Variants in RTN4 observed in about 807,000 individuals in gnomAD.
RTN4 encodes the protein reticulon 4.
A neutral mutation model predicts 90.4 loss-of-function variants in RTN4; 32 were observed. The ratio of observed to expected loss-of-function variants is 0.35; its 90% CI spans 0.27 to 0.48. The LOEUF (loss-of-function observed/expected upper bound fraction) is 0.48. Among genes scored for constraint, RTN4 ranks in the 20% least tolerant of loss-of-function variants. RTN4 has a pLI of 0.99. For missense variants in RTN4, 1,706 were observed against 1,430.2 expected (o/e 1.19, Z -3.11); for synonymous variants, 629 against 552.5 (o/e 1.14, Z -1.94).
intron 1 of RTN4, among the ~76,000 whole-genome samples, chr2:55,043,284 T>C (rs1226156833): frequency 2.0e-5 from 3 of 152,190 alleles, no homozygotes; most frequent in African/African-American, 7.2e-5. Flanking sequence ...GAATGTACCA[T>C]AAGTATAGTA....
chr2:55,003,854 T>G (rs574911315), intron 3 of RTN4, among the ~76,000 whole-genome samples: 3 of 152,182 alleles, frequency 2.0e-5, no homozygotes, highest in African/African-American at 7.2e-5. Flanking sequence ...ACGAAAATAC[T>G]GCACCATTTT....
At chr2:55,018,100 C>T (rs149515449) in intron 3 of RTN4, among the ~76,000 whole-genome samples, 181 of 152,248 alleles carry the variant, frequency 1.2e-3, no homozygotes, top group African/African-American at 4.3e-3. Context: ...TACCAGGTAT[C>T]CTTGAAAAAG....
the RTN4 span, among the ~76,000 whole-genome samples, chr2:55,127,478 C>T: frequency 4.6e-5 from 7 of 152,322 alleles, no homozygotes; most frequent in African/African-American, 1.7e-4. Context: ...TACATGTGTA[C>T]ATCACAAGCT....
chr2:55,026,858 C>G lies in RTN4; in HGVS notation c.1241G>C (p.Ser414Thr). ...DMLAAGGKIE[S>T]NLESKVDKKC... ...TTTATCCACTTTACTTTCCAAGTTGCTCTCGATTTTACCTCCAGCAGCCAA... is the reference window on the plus strand; with the variant it reads ...TTTATCCACTTTACTTTCCAAGTTGGTCTCGATTTTACCTCCAGCAGCCAA... The change falls in exon 3 of 9, where the codon AGC (serine) becomes ACC (threonine). Residue 414 changes from serine to threonine, a missense_variant. Transcript: ENST00000337526. The G allele has an allele frequency of 6.2e-7, 1 of 1,613,904 alleles. No homozygotes were observed. The highest frequency in any genetic ancestry group is 1.3e-5 in the African/African-American group (1 of 75,000).
intron 3 of RTN4, chr2:55,010,123 C>G (rs1222458783): frequency 2.2e-5 from 36 of 1,613,524 alleles, no homozygotes; most frequent in Non-Finnish European, 3.0e-5. Flanking sequence ...CCGTCCATCT[C>G]TTGTCACGAT....
At chr2:55,018,808 A>T (rs1422206151) in intron 3 of RTN4, among the ~76,000 whole-genome samples, 1 of 152,122 alleles carries the variant, frequency 6.6e-6, no homozygotes, top group Non-Finnish European at 1.5e-5. Context: ...TATCCACTGA[A>T]AGGGTTAAAA....
At chr2:55,052,636 A>G (rs1267893719), upstream of RTN4, among the ~76,000 whole-genome samples, 1 of 152,258 alleles carries the variant, frequency 6.6e-6, no homozygotes, top group Non-Finnish European at 1.5e-5. Context: ...GAATTTAAAC[A>G]AAACAAATTT....
intron 3 of RTN4, among the ~76,000 whole-genome samples, chr2:55,000,978 A>G (rs1224850454): frequency 3.4e-5 from 5 of 148,634 alleles, no homozygotes. Flanking sequence ...TTAAAAATAA[A>G]TTTATACTAT....
chr2:55,074,538 A>T (rs1033002401), intron 2 of RTN4, among the ~76,000 whole-genome samples: 1 of 150,330 alleles, frequency 6.7e-6, no homozygotes, highest in African/African-American at 2.5e-5. Flanking sequence ...AAAAAAAAAG[A>T]AAATATGGAG....
chr2:55,008,998 T>C (rs1680438851), intron 3 of RTN4, among the ~76,000 whole-genome samples: 1 of 152,080 alleles, frequency 6.6e-6, no homozygotes, highest in African/African-American at 2.4e-5. Flanking sequence ...TGTTTTCTAT[T>C]ATTTTTTAAG....
At chr2:55,127,670 T>C in the RTN4 span, among the ~76,000 whole-genome samples, 4 of 152,218 alleles carry the variant, frequency 2.6e-5, no homozygotes, top group East Asian at 1.9e-4. Context: ...GGCTCACTGA[T>C]TGGCTCACAG....
At chr2:54,983,157 G>T (rs1451897759) in intron 4 of RTN4, among the ~76,000 whole-genome samples, 1 of 150,222 alleles carries the variant, frequency 6.7e-6, no homozygotes, top group Non-Finnish European at 1.5e-5. Context: ...AACTCTCTCA[G>T]ACTAACCTTT....
At chr2:55,125,802 C>T in the RTN4 span, among the ~76,000 whole-genome samples, 5 of 152,132 alleles carry the variant, frequency 3.3e-5, no homozygotes, top group Non-Finnish European at 5.9e-5. Flanking sequence ...TGGTTCATGC[C>T]TGTAATCACA....
At chr2:55,070,545 C>CAAAA (rs747838297) in intron 2 of RTN4, among the ~76,000 whole-genome samples, 62 of 66,428 alleles carry the variant, frequency 9.3e-4, no homozygotes, top group South Asian at 3.0e-3. Flanking sequence ...GACTCTGTCT[C>CAAAA]AAAAAAAAAA....
At chr2:55,129,127 A>T in the RTN4 span, among the ~76,000 whole-genome samples, 1 of 150,894 alleles carries the variant, frequency 6.6e-6, no homozygotes, top group African/African-American at 2.5e-5. Flanking sequence ...AAAAAGAAAA[A>T]AAAAAGAAAA....
chr2:55,050,087 G>C lies in RTN4; in HGVS notation c.214C>G (p.Pro72Ala). ...GLSAAPVPTA[P>A]AAGAPLMDFG... is the part of the protein sequence containing the mutation. ...TCCATCAGGGGCGCGCCGGCGGCAG[G>C]GGCGGTGGGCACTGGGGCCGCGGAC... is the stretch of plus-strand genomic sequence containing the variant. The change falls in exon 1 of 9, where the codon CCT becomes GCT. Residue 72 changes from proline to alanine, a missense_variant. Transcript: ENST00000337526. This position sits in a 1 kb window ranked among gnomAD's most constrained non-coding sequence, Gnocchi z 4.6. 2 of 1,467,818 alleles carry C rather than the reference G, an allele frequency of 1.4e-6. No individual in the cohort carries two copies. Among genetic ancestry groups the C allele is most frequent in the Non-Finnish European group, 1.8e-6 (2 of 1,115,160 alleles). The allele number at this position is 1,467,818 out of a possible 1,614,324, so 90.9% of individuals were successfully genotyped here. A position where few individuals can be genotyped will look rare whatever the true frequency, so the allele number is the denominator to read the frequency against.
chr2:55,121,194 C>T, the RTN4 span, among the ~76,000 whole-genome samples: 29 of 152,284 alleles, frequency 1.9e-4, no homozygotes, highest in South Asian at 5.2e-3. Flanking sequence ...TGGAAATAGA[C>T]CAATGAATGA....
chr2:55,041,376 G>T (rs1472640067), intron 1 of RTN4, among the ~76,000 whole-genome samples: 2 of 151,876 alleles, frequency 1.3e-5, no homozygotes, highest in African/African-American at 4.8e-5. Context: ...CTCCAACAGA[G>T]GGAGAGGGGA....
At chr2:55,083,816 T>A (rs192201772) in intron 1 of RTN4, among the ~76,000 whole-genome samples, 1 of 152,202 alleles carries the variant, frequency 6.6e-6, no homozygotes, top group East Asian at 1.9e-4. Flanking sequence ...ATATATTTGG[T>A]CTGACCCCAG....
Sources: allele counts gnomAD v4.1 joint callset (sites outside exome capture counted in the v4.1 genomes callset), GRCh38; gene constraint gnomAD v4.1.1; non-coding constraint Gnocchi (gnomAD v3.1); transcripts MANE v1.5; gene names NCBI Gene and HGNC (gene_info 2026-07-23, HGNC 2026-07-21).